EYA4: variants seen among roughly 807,000 people sequenced by gnomAD.
The protein encoded by EYA4 is EYA transcriptional coactivator and phosphatase 4, also known as protein phosphatase EYA4.
A neutral mutation model predicts 87.9 loss-of-function variants in EYA4; 31 were observed. The observed-to-expected ratio is 0.35, with a 90% CI of 0.27 to 0.48. The LOEUF is 0.48. EYA4 is among the 20% of genes least tolerant of loss of function. EYA4 has a pLI of 0.99. For synonymous variants in EYA4, 263 were observed against 270.6 expected, an observed-to-expected ratio of 0.97 and a Z score of 0.28; for missense variants, 678 against 761.4, an observed-to-expected ratio of 0.89 and a Z score of 1.29.
chr6:133,325,373 T>C (rs1412797206), intron 2 of EYA4: 1 of 152,148 alleles, frequency 6.6e-6, no homozygotes, highest in Non-Finnish European at 1.5e-5. Context: ...AGGAAGAGGA[T>C]TATTATTCCA....
At chr6:133,519,358 T>C (rs1484785802) in intron 17 of EYA4, among the ~76,000 whole-genome samples, 1 of 152,120 alleles carries the variant, frequency 6.6e-6, no homozygotes, top group African/African-American at 2.4e-5. Flanking sequence ...ATCAGAATAC[T>C]ACAAACACCT....
intron 2 of EYA4, among the ~76,000 whole-genome samples, chr6:133,314,010 A>G (rs2128338282): frequency 6.6e-6 from 1 of 152,304 alleles, no homozygotes; most frequent in South Asian, 2.1e-4. Flanking sequence ...GTTATCTTGA[A>G]AGCTATTTCT....
chr6:133,430,177 T>C (rs986319717), intron 3 of EYA4, among the ~76,000 whole-genome samples: 1 of 152,212 alleles, frequency 6.6e-6, no homozygotes, highest in Non-Finnish European at 1.5e-5. Flanking sequence ...AGCTGGTACA[T>C]ACATACCATG....
chr6:133,290,802 T>A (rs569761279), intron 2 of EYA4, among the ~76,000 whole-genome samples: 9 of 152,326 alleles, frequency 5.9e-5, no homozygotes, highest in African/African-American at 1.7e-4. Flanking sequence ...AACAACACTT[T>A]GTTTTGAAAT....
intron 3 of EYA4, among the ~76,000 whole-genome samples, chr6:133,408,862 A>C (rs920128216): frequency 6.6e-6 from 1 of 152,186 alleles, no homozygotes; most frequent in African/African-American, 2.4e-5. Context: ...TGAGTGGTTC[A>C]ATGCTAATTT....
chr6:133,280,338 A>G (rs1777517921), intron 2 of EYA4, among the ~76,000 whole-genome samples: 1 of 152,224 alleles, frequency 6.6e-6, no homozygotes, highest in African/African-American at 2.4e-5. Flanking sequence ...GTTCAGTATA[A>G]TTTAATGTTT....
At chr6:133,257,666 T>C (rs1221403891) in intron 1 of EYA4, among the ~76,000 whole-genome samples, 2 of 152,188 alleles carry the variant, frequency 1.3e-5, no homozygotes, top group Non-Finnish European at 2.9e-5. Flanking sequence ...ACTCCTTTTA[T>C]AGGGTGAGAA....
chr6:133,469,356 T>G (rs1280844606), intron 11 of EYA4, among the ~76,000 whole-genome samples: 1 of 152,044 alleles, frequency 6.6e-6, no homozygotes, highest in African/African-American at 2.4e-5. Context: ...ATTATTGAGG[T>G]GATTCTAAAA....
At chr6:133,324,687 C>A (rs924416324) in intron 2 of EYA4, among the ~76,000 whole-genome samples, 8 of 152,012 alleles carry the variant, frequency 5.3e-5, no homozygotes, top group African/African-American at 1.9e-4. Context: ...CTGATCCAGG[C>A]TGGTTCTCAG....
At chr6:133,417,758 C>T (rs1789859543) in intron 3 of EYA4, among the ~76,000 whole-genome samples, 1 of 152,098 alleles carries the variant, frequency 6.6e-6, no homozygotes, top group African/African-American at 2.4e-5. Context: ...ATTGTTGTTC[C>T]CTTTACATAG....
rs939001947 is a variant in EYA4 at position 133,462,340 on chromosome 6, A to T, written c.443A>T (p.Tyr148Phe). Residue 148 changes from tyrosine (Y) to phenylalanine (F), a missense_variant, in exon 8 of 20, where the codon TAT (tyrosine) becomes TTT (phenylalanine). Coordinates refer to ENST00000355286, the MANE Select transcript of EYA4 (RefSeq NM_004100.5). ...YSPQLYPSKP[Y>F]PHILSTPAAQ... ...GCTATTTTTCTGATATTTAGGCCCT[A>T]TCCACACATTCTTTCTACACCAGCA... The T allele has an allele frequency of 1.2e-5, 20 of 1,613,866 alleles. No individual in the cohort carries two copies. Among genetic ancestry groups the T allele is most frequent in the Non-Finnish European group, 1.7e-5 (20 of 1,179,894 alleles).
At chr6:133,468,475 A>T (rs1381119645) in intron 10 of EYA4, 91 bp from the exon 11 acceptor site, 4 of 1,052,894 alleles carry the variant, frequency 3.8e-6, no homozygotes, top group Non-Finnish European at 5.9e-6. Flanking sequence ...CTGAGTACTA[A>T]TCTTTCAGTT....
intron 19 of EYA4, 22 bp downstream of exon 19, chr6:133,525,276 C>T (rs919261385): frequency 7.6e-6 from 12 of 1,577,232 alleles, no homozygotes; most frequent in Middle Eastern, 1.7e-4. Context: ...CAAACAATGT[C>T]GGTGTGATAC....
chr6:133,342,603 A>AT (rs1417914082), intron 2 of EYA4, among the ~76,000 whole-genome samples: 91 of 128,686 alleles, frequency 7.1e-4, no homozygotes, highest in African/African-American at 2.7e-3. Flanking sequence ...ATATATATAT[A>AT]TAATTCTTTA....
intron 3 of EYA4, among the ~76,000 whole-genome samples, chr6:133,445,770 C>T (rs1049046692): frequency 1.3e-5 from 2 of 151,840 alleles, no homozygotes; most frequent in Non-Finnish European, 2.9e-5. Flanking sequence ...GTAGTAGAGA[C>T]GGGGTTTCAC....
chr6:133,391,222 G>GTTTTTTTTTTTTTTTTTT lies in EYA4; in HGVS notation c.83+8797_83+8798insTTTTTTTTTTTTTTTTTT, dbSNP rs531819011. Among the ~76,000 whole-genome samples, 78 of 89,796 alleles carry GTTTTTTTTTTTTTTTTTT rather than the reference G, an allele frequency of 8.7e-4. 1 individual carries two copies. The highest frequency in any genetic ancestry group is 2.4e-3 in the African/African-American group (71 of 30,184). 58.9% of individuals were successfully genotyped at this position (89,796 alleles called of 152,430 possible). A position where few individuals can be genotyped will look rare whatever the true frequency, so the allele number is the denominator to read the frequency against. ...CTATTATTTTTTGGGTTTTGTTTTT[G>GTTTTTTTTTTTTTTTTTT]TTTTTTTTTTTTTTTTGAGATGGAG... On this transcript the variant is annotated intron_variant, in intron 3 of 19. Transcript: ENST00000355286.
In EYA4 at chr6:133,290,115, A is replaced by G. The variant is rs190917757; in HGVS notation, c.33+15302A>G. 6.6e-5 allele frequency among the ~76,000 whole-genome samples: 10 copies of G among 152,272 alleles called. No individual in the cohort carries two copies. In the South Asian group the frequency reaches 1.9e-3, roughly 28 times the overall value. On this transcript the variant is annotated intron_variant, in intron 2 of 19. Coordinates refer to ENST00000355286, the MANE Select transcript of EYA4 (RefSeq NM_004100.5). ...TGGGCTAAGTGCTATAAATGAATGT[A>G]TATATAATATAAATGCATTAACTCA...
intron 2 of EYA4, among the ~76,000 whole-genome samples, chr6:133,376,522 T>C (rs1785696430): frequency 6.6e-6 from 1 of 151,958 alleles, no homozygotes. Context: ...GTTTCACGAT[T>C]TGTAATCAGA....
At chr6:133,288,728 G>C (rs1778261112) in intron 2 of EYA4, among the ~76,000 whole-genome samples, 1 of 152,122 alleles carries the variant, frequency 6.6e-6, no homozygotes, top group Non-Finnish European at 1.5e-5. Flanking sequence ...TGTTTATGAA[G>C]TGCAAGGAGG....
Sources: gnomAD v4.1 joint callset for allele counts (sites outside exome capture counted in the v4.1 genomes callset) on GRCh38, gnomAD v4.1.1 for gene constraint, MANE v1.5 for transcripts, NCBI Gene and HGNC (gene_info 2026-07-23, HGNC 2026-07-21) for gene names.